Variants in FTCDNL1 observed in about 807,000 individuals in gnomAD.
The protein encoded by FTCDNL1 is formiminotransferase N-terminal subdomain-containing protein.
FTCDNL1 carries 11 observed loss-of-function variants against 5.9 expected under a neutral mutation model. The ratio of observed to expected loss-of-function variants is 1.87; its 90% CI spans 1.18 to 3.10. The LOEUF is 3.10. Ranked by LOEUF, FTCDNL1 falls within the 30% of genes most tolerant of loss-of-function variation. The probability of loss-of-function intolerance (pLI) is 0.00; values close to 1 mark genes in which losing one functional copy is unlikely to be tolerated. For synonymous variants in FTCDNL1, 58 were observed against 24.8 expected (o/e 2.34, Z -3.99); for missense variants, 115 against 65.5 (o/e 1.76, Z -2.61).
the FTCDNL1 span, among the ~76,000 whole-genome samples, chr2:199,731,772 C>T: frequency 1.3e-5 from 2 of 151,414 alleles, no homozygotes; most frequent in East Asian, 1.9e-4. Flanking sequence ...CCTGTAGTCC[C>T]AGCTACTTGG....
chr2:199,772,100 TGA>T (rs904896531), intron 3 of FTCDNL1, among the ~76,000 whole-genome samples: 118 of 152,300 alleles, frequency 7.7e-4, no homozygotes, highest in African/African-American at 2.7e-3. Flanking sequence ...TGCGATACTG[TGA>T]GAGTCAATCT....
At chr2:199,702,918 CA>C in the FTCDNL1 span, among the ~76,000 whole-genome samples, 1 of 152,006 alleles carries the variant, frequency 6.6e-6, no homozygotes, top group South Asian at 2.1e-4. Context: ...ACAAGAAAGT[CA>C]GTGTCAAATC....
the FTCDNL1 span, among the ~76,000 whole-genome samples, chr2:199,692,332 C>T: frequency 1.3e-5 from 2 of 152,120 alleles, no homozygotes; most frequent in Admixed American, 1.3e-4. Context: ...AAATATGACT[C>T]CACTCTCCCA....
intron 3 of FTCDNL1, among the ~76,000 whole-genome samples, chr2:199,836,339 T>C (rs1047671958): frequency 2.6e-5 from 4 of 152,132 alleles, no homozygotes; most frequent in African/African-American, 9.7e-5. Context: ...TAATGTTTTT[T>C]ATTTTTATTC....
chr2:199,713,636 TTGTTAGTGTGCCG>T, the FTCDNL1 span, among the ~76,000 whole-genome samples: 1 of 152,244 alleles, frequency 6.6e-6, no homozygotes, highest in African/African-American at 2.4e-5. Flanking sequence ...TCATTGTCAA[TTGTTAGTGTGCCG>T]TGTTAGTCTT....
the FTCDNL1 span, among the ~76,000 whole-genome samples, chr2:199,741,609 A>T: frequency 6.6e-6 from 1 of 152,100 alleles, no homozygotes; most frequent in East Asian, 1.9e-4. Flanking sequence ...GCTCATCTCC[A>T]CTTTGCTTCC....
At chr2:199,763,084 GTAACAACACATT>G (rs1041996306) in intron 3 of FTCDNL1, among the ~76,000 whole-genome samples, 1 of 152,206 alleles carries the variant, frequency 6.6e-6, no homozygotes, top group East Asian at 1.9e-4. Flanking sequence ...CTAGTTCTAA[GTAACAACACATT>G]ACTATCTTCT....
At chr2:199,795,433 C>T (rs1700125465) in intron 3 of FTCDNL1, among the ~76,000 whole-genome samples, 1 of 152,176 alleles carries the variant, frequency 6.6e-6, no homozygotes, top group South Asian at 2.1e-4. Context: ...TTCCTGAACA[C>T]CTTACAAAAA....
intron 3 of FTCDNL1, among the ~76,000 whole-genome samples, chr2:199,796,230 G>A (rs1484568427): frequency 6.6e-6 from 1 of 152,134 alleles, no homozygotes; most frequent in Non-Finnish European, 1.5e-5. Context: ...TTATCACGGT[G>A]ACAATAAAAC....
chr2:199,778,151 A>G (rs1440686726), intron 3 of FTCDNL1, among the ~76,000 whole-genome samples: 2 of 152,168 alleles, frequency 1.3e-5, no homozygotes, highest in African/African-American at 4.8e-5. Flanking sequence ...ACAAAGAAGA[A>G]TAATTTAGGA....
At chr2:199,828,375 C>T (rs564494416) in intron 3 of FTCDNL1, among the ~76,000 whole-genome samples, 10 of 152,202 alleles carry the variant, frequency 6.6e-5, no homozygotes, top group Non-Finnish European at 1.2e-4. Context: ...ACTTCAAGCT[C>T]AAGCCTGTGG....
At chr2:199,763,536 C>G (rs1698369635) in intron 3 of FTCDNL1, among the ~76,000 whole-genome samples, 1 of 152,146 alleles carries the variant, frequency 6.6e-6, no homozygotes, top group Admixed American at 6.5e-5. Flanking sequence ...CACCTTTCCC[C>G]AAGCTCCCAC....
At chr2:199,760,863 A>G (rs1298497748) in intron 3 of FTCDNL1, 1 of 702,194 alleles carries the variant, frequency 1.4e-6, no homozygotes, top group Admixed American at 2.0e-5. Flanking sequence ...AGAGATTAGT[A>G]TTTGGAAGAG....
chr2:199,747,186 A>C, the FTCDNL1 span, among the ~76,000 whole-genome samples: 13 of 152,338 alleles, frequency 8.5e-5, no homozygotes, highest in South Asian at 8.3e-4. Flanking sequence ...CCCTCAAAAT[A>C]CACTTGGGTT....
intron 3 of FTCDNL1, among the ~76,000 whole-genome samples, chr2:199,796,315 C>T (rs1017064923): frequency 6.6e-6 from 1 of 152,122 alleles, no homozygotes; most frequent in African/African-American, 2.4e-5. Flanking sequence ...CTCCAAATTG[C>T]TATCTTCCTA....
At chr2:199,777,050 C>T (rs111540744) in intron 3 of FTCDNL1, among the ~76,000 whole-genome samples, 13,117 of 149,580 alleles carry the variant, frequency 0.088, 1,022 homozygotes, top group African/African-American at 0.19. Flanking sequence ...CCCAGCACTT[C>T]GGGAGGCCGA....
the FTCDNL1 span, among the ~76,000 whole-genome samples, chr2:199,673,747 T>C: frequency 1.8e-4 from 28 of 152,334 alleles, no homozygotes; most frequent in African/African-American, 6.5e-4. Flanking sequence ...CATTCTTTTT[T>C]CAGACTTGCA....
chr2:199,702,413 C>T, the FTCDNL1 span, among the ~76,000 whole-genome samples: 80,683 of 152,052 alleles, frequency 0.53, 23,589 homozygotes, highest in South Asian at 0.69. Context: ...GCAACTCTTG[C>T]GACCTTTGTA....
rs75313434 is a variant in FTCDNL1 at position 199,773,034 on chromosome 2, A to G, written c.212-12199T>C. On this transcript the variant is annotated intron_variant, in intron 3 of 3. Coordinates refer to the FTCDNL1 transcript ENST00000416668. ...GTTTTCTTGTCTTTTTTGTTTGGCC[A>G]GAAACTGATTAATTTAATGGGGATA... 7.1e-3 allele frequency among the ~76,000 whole-genome samples: 1,076 copies of G among 152,276 alleles called. 17 individuals are homozygous for G. The highest frequency in any genetic ancestry group is 0.024 in the African/African-American group (1,009 of 41,560).
Sources: gnomAD v4.1 joint callset for allele counts (sites outside exome capture counted in the v4.1 genomes callset) on GRCh38, gnomAD v4.1.1 for gene constraint, MANE v1.5 for transcripts, NCBI Gene and HGNC (gene_info 2026-07-23, HGNC 2026-07-21) for gene names.